Variants in CAST observed in about 807,000 individuals in gnomAD.
CAST encodes calpastatin.
In CAST, 76 loss-of-function variants were observed where a neutral mutation model predicts 119.6. That is an observed-to-expected ratio of 0.64 (90% CI 0.53 to 0.77). The LOEUF (loss-of-function observed/expected upper bound fraction) is 0.77, where lower values mean the gene tolerates loss of function less well. Ranked by LOEUF, CAST falls within the 30% of genes least tolerant of loss-of-function variation. The probability of loss-of-function intolerance (pLI) is 0.00; values close to 1 mark genes in which losing one functional copy is unlikely to be tolerated. For synonymous variants in CAST, 319 were observed against 331.6 expected, an observed-to-expected ratio of 0.96 and a Z score of 0.41; for missense variants, 953 against 946.5, an observed-to-expected ratio of 1.01 and a Z score of -0.09.
chr5:96,029,271 A>G, the CAST span, among the ~76,000 whole-genome samples: 1 of 152,198 alleles, frequency 6.6e-6, no homozygotes, highest in Non-Finnish European at 1.5e-5. Context: ...GCAGATAATG[A>G]AACTAAATTT....
chr5:96,684,767 G>T (rs141444652), intron 2 of CAST, among the ~76,000 whole-genome samples: 5 of 151,706 alleles, frequency 3.3e-5, no homozygotes, highest in Non-Finnish European at 5.9e-5. Flanking sequence ...ACAGGGTTTC[G>T]CCATGTTGCC....
intron 1 of CAST, among the ~76,000 whole-genome samples, chr5:96,652,498 T>C (rs1284491037): frequency 6.6e-6 from 1 of 152,068 alleles, no homozygotes; most frequent in African/African-American, 2.4e-5. Flanking sequence ...AGCACCTAAT[T>C]ATACATTTAG....
chr5:96,032,536 G>C, the CAST span, among the ~76,000 whole-genome samples: 2 of 152,084 alleles, frequency 1.3e-5, no homozygotes, highest in Admixed American at 1.3e-4. Context: ...TTAGTTCTAA[G>C]ATAATGCCAG....
intron 20 of CAST, among the ~76,000 whole-genome samples, chr5:96,753,746 C>T (rs1053985244): frequency 6.6e-6 from 1 of 152,138 alleles, no homozygotes; most frequent in African/African-American, 2.4e-5. Flanking sequence ...TTTCTTTTTT[C>T]CTGGTATGCA....
intron 3 of CAST, among the ~76,000 whole-genome samples, chr5:96,721,197 C>T (rs932574219): frequency 2.6e-5 from 4 of 151,816 alleles, no homozygotes; most frequent in Non-Finnish European, 4.4e-5. Context: ...TGTATGTGTG[C>T]GTGTGTGTGT....
chr5:96,535,017 C>A (rs1745780903), intron 1 of CAST, among the ~76,000 whole-genome samples: 1 of 152,032 alleles, frequency 6.6e-6, no homozygotes, highest in Admixed American at 6.5e-5. Context: ...ATTTACAAAG[C>A]CACAATAATG....
intron 1 of CAST, among the ~76,000 whole-genome samples, chr5:96,600,931 T>C (rs140706138): frequency 6.6e-6 from 1 of 152,314 alleles, no homozygotes; most frequent in Admixed American, 6.5e-5. Flanking sequence ...CATACTAACC[T>C]CTGCCCCTGC....
chr5:95,986,431 T>C, the CAST span: 1 of 152,340 alleles, frequency 6.6e-6, no homozygotes, highest in African/African-American at 2.4e-5. Context: ...TGAGTGATAA[T>C]GTTTATAGCA....
At chr5:96,365,598 T>G in the CAST span, among the ~76,000 whole-genome samples, 2 of 152,236 alleles carry the variant, frequency 1.3e-5, no homozygotes, top group Non-Finnish European at 2.9e-5. Context: ...TTGTCTCTTT[T>G]GATCTTTGTT....
At chr5:96,244,325 T>C in the CAST span, among the ~76,000 whole-genome samples, 2 of 152,242 alleles carry the variant, frequency 1.3e-5, no homozygotes, top group Admixed American at 6.5e-5. Context: ...CACAAGACTT[T>C]AAATTATTTG....
At chr5:96,511,782 C>T in the CAST span, among the ~76,000 whole-genome samples, 1 of 152,346 alleles carries the variant, frequency 6.6e-6, no homozygotes, top group Non-Finnish European at 1.5e-5. Flanking sequence ...TAGAGAAAGA[C>T]AAATCAAGAC....
chr5:96,301,064 G>T, the CAST span, among the ~76,000 whole-genome samples: 1 of 152,016 alleles, frequency 6.6e-6, no homozygotes, highest in Non-Finnish European at 1.5e-5. Flanking sequence ...AGTTTAATTG[G>T]CTCAGTATTC....
chr5:96,544,899 G>C (rs976377361), intron 1 of CAST, among the ~76,000 whole-genome samples: 2 of 151,068 alleles, frequency 1.3e-5, no homozygotes, highest in Non-Finnish European at 3.0e-5. Flanking sequence ...TAGACTAAAA[G>C]TAAAGTTATG....
chr5:96,272,554 T>C, the CAST span, among the ~76,000 whole-genome samples: 1 of 152,074 alleles, frequency 6.6e-6, no homozygotes, highest in Middle Eastern at 3.4e-3. Flanking sequence ...AAAAAGTGGA[T>C]CTCATGAAGA....
At chr5:96,605,490 G>A (rs1263649437) in intron 1 of CAST, among the ~76,000 whole-genome samples, 1 of 152,196 alleles carries the variant, frequency 6.6e-6, no homozygotes, top group East Asian at 1.9e-4. Flanking sequence ...GCCTTCTCCT[G>A]ATCTTGTAGC....
chr5:96,272,002 A>G, the CAST span, among the ~76,000 whole-genome samples: 1 of 152,168 alleles, frequency 6.6e-6, no homozygotes, highest in Non-Finnish European at 1.5e-5. Context: ...CATCAGATAT[A>G]TTTTTTAAAT....
intron 1 of CAST, among the ~76,000 whole-genome samples, chr5:96,592,202 G>A (rs569898378): frequency 6.6e-6 from 1 of 152,116 alleles, no homozygotes; most frequent in Non-Finnish European, 1.5e-5. Flanking sequence ...TTCGAGACCA[G>A]CCTGGCCTCT....
chr5:96,031,634 T>G, the CAST span, among the ~76,000 whole-genome samples: 1 of 152,170 alleles, frequency 6.6e-6, no homozygotes, highest in Non-Finnish European at 1.5e-5. Context: ...ATTTGGAAAG[T>G]GTAGCAAAAA....
chr5:96,345,907 C>A, the CAST span, among the ~76,000 whole-genome samples: 1 of 152,100 alleles, frequency 6.6e-6, no homozygotes, highest in Admixed American at 6.5e-5. Context: ...TTTTTGTAAC[C>A]CATGTAAAAG....
Sources: gnomAD v4.1 joint callset for allele counts (sites outside exome capture counted in the v4.1 genomes callset) on GRCh38, gnomAD v4.1.1 for gene constraint, MANE v1.5 for transcripts, NCBI Gene and HGNC (gene_info 2026-07-23, HGNC 2026-07-21) for gene names.